Variants in EVC2 observed in about 807,000 individuals in gnomAD.
EVC2 encodes the protein limbin.
EVC2 carries 148 observed loss-of-function variants against 149.3 expected under a neutral mutation model. The ratio of observed to expected loss-of-function variants is 0.99; its 90% confidence interval spans 0.87 to 1.14. EVC2 has a LOEUF of 1.14. Ranked by LOEUF, EVC2 falls within the 50% of genes most tolerant of loss-of-function variation. The probability of loss-of-function intolerance (pLI) is 0.00; values close to 1 mark genes in which losing one functional copy is unlikely to be tolerated. For missense variants in EVC2, 1,854 were observed against 1,627.3 expected, an observed-to-expected ratio of 1.14 and a Z score of -2.40; for synonymous variants, 776 against 649.9, an observed-to-expected ratio of 1.19 and a Z score of -2.95.
At chr4:5,606,624 T>C (rs900180600) in intron 16 of EVC2, among the ~76,000 whole-genome samples, 1 of 151,890 alleles carries the variant, frequency 6.6e-6, no homozygotes, top group Admixed American at 6.6e-5. Context: ...AATCTAAAAT[T>C]ACCAAGCATG....
chr4:5,609,742 T>C (rs572209338), intron 16 of EVC2, among the ~76,000 whole-genome samples: 2 of 152,308 alleles, frequency 1.3e-5, no homozygotes, highest in African/African-American at 4.8e-5. Flanking sequence ...ACCGCCATTG[T>C]TTGGTGAAAA....
chr4:5,708,169 T>A, intron 1 of EVC2, 117 bp downstream of exon 1: 1 of 925,716 alleles, frequency 1.1e-6, no homozygotes, highest in Non-Finnish European at 1.5e-6. Flanking sequence ...CCTATTCAGA[T>A]CCTGCCCTCC....
In EVC2 at chr4:5,584,685, G is replaced by A. The variant is rs745415485; in HGVS notation, c.2995C>T (p.Leu999=). The change falls in exon 17 of 22, where the codon CTG becomes TTG. Residue 999 remains leucine (L), a synonymous_variant. Transcript: ENST00000344408. ...LSIQDLLLEE[L]SASEMLTKSA... ...TTGGTCAGCATCTCAGATGCACTCA[G>A]CTCTTCCAGGAGCAAGTCCTGGATG... The A allele has an allele frequency of 2.9e-5, 47 of 1,613,962 alleles. No individual in the cohort carries two copies. In the Admixed American group the frequency reaches 7.7e-4, roughly 26 times the overall value.
At chr4:5,642,721 C>A (rs1044946275) in intron 9 of EVC2, among the ~76,000 whole-genome samples, 1 of 152,206 alleles carries the variant, frequency 6.6e-6, no homozygotes, top group Non-Finnish European at 1.5e-5. Context: ...AGGATCCTCA[C>A]ATTTAGCCCC....
At chr4:5,592,785 G>C (rs1214213752) in intron 16 of EVC2, among the ~76,000 whole-genome samples, 1 of 152,188 alleles carries the variant, frequency 6.6e-6, no homozygotes, top group Non-Finnish European at 1.5e-5. Context: ...CTGCATATGT[G>C]GCTCCTCCCA....
chr4:5,626,929 C>T (rs187769342), intron 12 of EVC2, among the ~76,000 whole-genome samples: 1 of 152,330 alleles, frequency 6.6e-6, no homozygotes, highest in East Asian at 1.9e-4. Context: ...ATACCATTGG[C>T]TTTCCTGGGT....
At chr4:5,536,783 C>CAAA in the EVC2 span, among the ~76,000 whole-genome samples, 13 of 137,714 alleles carry the variant, frequency 9.4e-5, no homozygotes, top group South Asian at 2.3e-4. Flanking sequence ...GACTCTGTCT[C>CAAA]AAAAAAAAAA....
intron 11 of EVC2, 104 bp from the exon 12 acceptor site, chr4:5,628,838 C>T (rs1444775649): frequency 1.6e-6 from 2 of 1,217,982 alleles, no homozygotes; most frequent in East Asian, 5.1e-5. Flanking sequence ...AGAAAATACA[C>T]AAGAAAAGAA....
chr4:5,592,384 C>T (rs1023798038), intron 16 of EVC2, among the ~76,000 whole-genome samples: 1 of 152,192 alleles, frequency 6.6e-6, no homozygotes. Context: ...CCACTAGCAA[C>T]AACCTCCAGT....
At chr4:5,629,321 G>A (rs1196549912) in intron 11 of EVC2, among the ~76,000 whole-genome samples, 6 of 152,146 alleles carry the variant, frequency 3.9e-5, no homozygotes, top group African/African-American at 1.4e-4. Flanking sequence ...ACTCAACCTA[G>A]GGAGACAGTA....
chr4:5,689,082 C>G (rs1167338167), intron 5 of EVC2, 75 bp downstream of exon 5: 4 of 1,539,954 alleles, frequency 2.6e-6, no homozygotes, highest in Non-Finnish European at 3.6e-6. Context: ...ATGCCTGACC[C>G]AGAACACATT....
intron 8 of EVC2, among the ~76,000 whole-genome samples, chr4:5,665,008 G>A (rs1210986984): frequency 6.7e-5 from 10 of 149,450 alleles, no homozygotes; most frequent in Non-Finnish European, 1.0e-4. Flanking sequence ...GACGGGATGC[G>A]TGTGGGTGAC....
intron 16 of EVC2, among the ~76,000 whole-genome samples, chr4:5,611,573 C>G (rs1406174412): frequency 6.6e-6 from 1 of 151,588 alleles, no homozygotes; most frequent in African/African-American, 2.4e-5. Flanking sequence ...ATGCTGAGTA[C>G]TGGAATTAAA....
chr4:5,565,220 C>T (rs369347872), intron 21 of EVC2, 38 bp downstream of exon 21: 1 of 1,602,718 alleles, frequency 6.2e-7, no homozygotes, highest in Non-Finnish European at 8.5e-7. Context: ...GCTTAGCTCA[C>T]CCCCTCCCCA....
rs767378795 is a variant in EVC2 at position 5,584,738 on chromosome 4, G to A, written c.2942C>T (p.Thr981Ile). ...GAGGAGGGCGGTGTAGGCCGACAGAGTCTCGGTCACCCGGGACGCCTTCTG... is the reference window on the plus strand; with the variant it reads ...GAGGAGGGCGGTGTAGGCCGACAGAATCTCGGTCACCCGGGACGCCTTCTG... ...QFQKASRVTE[T>I]LSAYTALLSI... Residue 981 changes from threonine (T) to isoleucine (I), a missense_variant, in exon 17 of 22, where the codon ACT becomes ATT. By Grantham distance (89) the Thr-to-Ile change is moderately conservative. Transcript: ENST00000344408. The A allele has an allele frequency of 6.2e-7, 1 of 1,614,076 alleles. No homozygotes were observed. Among genetic ancestry groups the A allele is most frequent in the African/African-American group, 1.3e-5 (1 of 74,934 alleles).
intron 9 of EVC2, among the ~76,000 whole-genome samples, chr4:5,651,823 T>G (rs1201896514): frequency 6.6e-6 from 1 of 152,206 alleles, no homozygotes; most frequent in African/African-American, 2.4e-5. Context: ...TAGCTGAGCT[T>G]AGAGAAGTAG....
At chr4:5,617,915 G>C (rs148457764) in intron 15 of EVC2, among the ~76,000 whole-genome samples, 1 of 152,154 alleles carries the variant, frequency 6.6e-6, no homozygotes, top group Non-Finnish European at 1.5e-5. Flanking sequence ...AGGTAAAGTT[G>C]AGCCTAAACT....
chr4:5,567,208 A>G lies in EVC2; in HGVS notation c.3557+1236T>C, dbSNP rs143713541. ...GGTCCACAACCCACTTCCTGACTAT[A>G]CTGGGCCCCAAGGCCACTAGGAAGG... On this transcript the variant is annotated intron_variant, in intron 20 of 21. Coordinates refer to ENST00000344408, the MANE Select transcript of EVC2 (RefSeq NM_147127.5). The surrounding 1 kb of genome is among the most constrained non-coding windows in gnomAD (Gnocchi z 4.4). 9.3e-3 allele frequency among the ~76,000 whole-genome samples: 1,417 copies of G among 151,904 alleles called. 19 individuals carry two copies. The highest frequency in any genetic ancestry group is 0.033 in the African/African-American group (1,360 of 41,410).
chr4:5,563,194 C>A, intron 21 of EVC2, 79 bp from the exon 22 acceptor site: 1 of 1,407,846 alleles, frequency 7.1e-7, no homozygotes, highest in Non-Finnish European at 9.9e-7. Context: ...CCAAGAGAAT[C>A]CCTCCTTGGG....
Sources: allele counts gnomAD v4.1 joint callset (sites outside exome capture counted in the v4.1 genomes callset), GRCh38; gene constraint gnomAD v4.1.1; non-coding constraint Gnocchi (gnomAD v3.1); transcripts MANE v1.5; gene names NCBI Gene and HGNC (gene_info 2026-07-23, HGNC 2026-07-21).